Variants in DPP10 observed in about 807,000 individuals in gnomAD.
DPP10 encodes the protein inactive dipeptidyl peptidase 10.
DPP10 carries 33 observed loss-of-function variants against 120.9 expected under a neutral mutation model. The observed-to-expected ratio is 0.27, with a 90% CI of 0.21 to 0.37. The LOEUF (loss-of-function observed/expected upper bound fraction) is 0.37, where lower values mean the gene tolerates loss of function less well. DPP10 is among the 10% of genes least tolerant of loss of function. The probability of loss-of-function intolerance (pLI) is 1.00; values close to 1 mark genes in which losing one functional copy is unlikely to be tolerated. For synonymous variants in DPP10, 337 were observed against 326.1 expected (o/e 1.03, Z -0.36); for missense variants, 816 against 942.8 (o/e 0.87, Z 1.76).
At chr2:114,538,295 A>G (rs1350745844) in intron 1 of DPP10, among the ~76,000 whole-genome samples, 1 of 152,216 alleles carries the variant, frequency 6.6e-6, no homozygotes, top group African/African-American at 2.4e-5. Context: ...AGCAATGCTC[A>G]GCTCTTCCAT....
In DPP10 at chr2:115,121,995, T is replaced by A. The variant is rs540715297; in HGVS notation, c.61-187244T>A. 4.7e-4 allele frequency among the ~76,000 whole-genome samples: 71 copies of A among 152,348 alleles called. 1 individual carries two copies. Among genetic ancestry groups the A allele is most frequent in the African/African-American group, 1.1e-3 (45 of 41,578 alleles). Reference sequence around the variant, plus strand: ...TTTGGGTATGCATCGAAGGGTCATGTCCTGTGGTGTGCAGACGCAATTAAC... The same window carrying A: ...TTTGGGTATGCATCGAAGGGTCATGACCTGTGGTGTGCAGACGCAATTAAC... On this transcript the variant is annotated intron_variant, in intron 1 of 25. Transcript: ENST00000410059.
intron 3 of DPP10, among the ~76,000 whole-genome samples, chr2:115,404,348 A>C (rs1275391677): frequency 6.6e-6 from 1 of 152,140 alleles, no homozygotes; most frequent in Admixed American, 6.5e-5. Flanking sequence ...ACTCATGAGA[A>C]ATCTGTTCCC....
chr2:115,087,211 A>G (rs1708783522), intron 1 of DPP10, among the ~76,000 whole-genome samples: 1 of 152,218 alleles, frequency 6.6e-6, no homozygotes, highest in Non-Finnish European at 1.5e-5. Flanking sequence ...TTCCAAACTG[A>G]AACACCTAGC....
At chr2:115,812,550 A>G (rs1032118057) in intron 19 of DPP10, among the ~76,000 whole-genome samples, 5 of 152,200 alleles carry the variant, frequency 3.3e-5, no homozygotes, top group African/African-American at 9.6e-5. Context: ...CAGCATGGGG[A>G]TATGGGTAGT....
At chr2:115,726,727 T>C (rs553078785) in intron 7 of DPP10, among the ~76,000 whole-genome samples, 1 of 152,280 alleles carries the variant, frequency 6.6e-6, no homozygotes, top group African/African-American at 2.4e-5. Context: ...AGAATATCCA[T>C]GAAATGTTCT....
chr2:115,237,992 C>G (rs2058083244), intron 1 of DPP10, among the ~76,000 whole-genome samples: 1 of 152,182 alleles, frequency 6.6e-6, no homozygotes, highest in Admixed American at 6.6e-5. Flanking sequence ...TATCTGAGAT[C>G]ATTGCTGAAG....
At chr2:114,765,556 C>G (rs975211595) in intron 1 of DPP10, among the ~76,000 whole-genome samples, 2 of 152,156 alleles carry the variant, frequency 1.3e-5, no homozygotes, top group African/African-American at 4.8e-5. Context: ...GACACTCCTA[C>G]TACAGTCGGA....
At chr2:115,819,559 T>C (rs937552785) in intron 21 of DPP10, among the ~76,000 whole-genome samples, 1 of 152,188 alleles carries the variant, frequency 6.6e-6, no homozygotes, top group Non-Finnish European at 1.5e-5. Flanking sequence ...TTCTGGCTGG[T>C]TGTTCTCTAT....
At chr2:114,865,088 C>T (rs1411958227) in intron 1 of DPP10, among the ~76,000 whole-genome samples, 2 of 152,082 alleles carry the variant, frequency 1.3e-5, no homozygotes, top group Non-Finnish European at 2.9e-5. Context: ...GCAAAAGTTG[C>T]GGGACATCTG....
At chr2:115,162,174 T>A in intron 1 of DPP10, 1 of 1,545,292 alleles carries the variant, frequency 6.5e-7, no homozygotes, top group Non-Finnish European at 8.7e-7. Context: ...CTCTCCTGCT[T>A]CTCCACGGAC....
At chr2:114,566,703 C>T (rs1573671809) in intron 1 of DPP10, among the ~76,000 whole-genome samples, 1 of 152,190 alleles carries the variant, frequency 6.6e-6, no homozygotes, top group Non-Finnish European at 1.5e-5. Flanking sequence ...GCCACCAAGT[C>T]TCCCTTAAGT....
intron 1 of DPP10, among the ~76,000 whole-genome samples, chr2:114,690,639 T>C (rs111896681): frequency 0.043 from 6,551 of 152,202 alleles, 173 homozygotes; most frequent in South Asian, 0.089. Context: ...GGTAGTTTAA[T>C]GGGAAAAGCA....
chr2:115,147,476 A>T (rs183282624), intron 1 of DPP10, among the ~76,000 whole-genome samples: 44 of 152,182 alleles, frequency 2.9e-4, no homozygotes, highest in Admixed American at 8.5e-4. Flanking sequence ...GGTGTACAAG[A>T]TTCTAAATGG....
intron 1 of DPP10, among the ~76,000 whole-genome samples, chr2:114,719,231 T>C (rs935311537): frequency 6.6e-6 from 1 of 152,170 alleles, no homozygotes; most frequent in Non-Finnish European, 1.5e-5. Flanking sequence ...ATCTACAGAG[T>C]ACAAGATTGT....
chr2:114,785,701 A>T (rs1574183062), intron 1 of DPP10, among the ~76,000 whole-genome samples: 2 of 152,280 alleles, frequency 1.3e-5, no homozygotes, highest in South Asian at 4.1e-4. Flanking sequence ...AATGAATATA[A>T]TGTAGCCCCA....
intron 5 of DPP10, among the ~76,000 whole-genome samples, chr2:115,534,917 G>A (rs2078711398): frequency 6.6e-6 from 1 of 151,942 alleles, no homozygotes; most frequent in East Asian, 1.9e-4. Context: ...CTTCTTTTGA[G>A]AAGTGTCTGT....
chr2:114,588,559 A>C (rs1013313964), intron 1 of DPP10, among the ~76,000 whole-genome samples: 1 of 152,236 alleles, frequency 6.6e-6, no homozygotes, highest in African/African-American at 2.4e-5. Flanking sequence ...GGTGGTGAGT[A>C]TGCTACTTAC....
At chr2:115,541,748 C>T (rs1373523844) in intron 5 of DPP10, among the ~76,000 whole-genome samples, 1 of 151,772 alleles carries the variant, frequency 6.6e-6, no homozygotes, top group African/African-American at 2.4e-5. Flanking sequence ...AAGCTTTCTC[C>T]TGCACTATAT....
intron 1 of DPP10, among the ~76,000 whole-genome samples, chr2:115,183,251 G>A (rs189607266): frequency 1.6e-4 from 24 of 152,004 alleles, no homozygotes; most frequent in African/African-American, 5.8e-4. Context: ...TTTAGAGATA[G>A]GTTTTTTATT....
Sources: gnomAD v4.1 joint callset for allele counts (sites outside exome capture counted in the v4.1 genomes callset) on GRCh38, gnomAD v4.1.1 for gene constraint, MANE v1.5 for transcripts, NCBI Gene and HGNC (gene_info 2026-07-23, HGNC 2026-07-21) for gene names.